Variants in SYCE1L observed in about 807,000 individuals in gnomAD.
The protein encoded by SYCE1L is synaptonemal complex central element protein 1-like.
A neutral mutation model predicts 39.6 loss-of-function variants in SYCE1L; 51 were observed. The observed-to-expected ratio is 1.29, with a 90% confidence interval of 1.03 to 1.63. The LOEUF (loss-of-function observed/expected upper bound fraction) is 1.63. Ranked by LOEUF, SYCE1L falls within the 40% of genes most tolerant of loss-of-function variation. The pLI is 0.00. For synonymous variants in SYCE1L, 147 were observed against 122.4 expected, an observed-to-expected ratio of 1.20 and a Z score of -1.33; for missense variants, 426 against 304.9, an observed-to-expected ratio of 1.40 and a Z score of -2.96.
chr16:77,207,463 T>G (rs1364343955), intron 2 of SYCE1L, among the ~76,000 whole-genome samples: 1 of 152,196 alleles, frequency 6.6e-6, no homozygotes, highest in African/African-American at 2.4e-5. Context: ...GTGATCACCC[T>G]GTCACTGGGA....
chr16:77,201,946 G>C (rs2054747896), intron 1 of SYCE1L: 1 of 152,144 alleles, frequency 6.6e-6, no homozygotes, highest in African/African-American at 2.4e-5. Context: ...TGTGTATGTT[G>C]CACAGAAAAA....
At chr16:77,204,742 T>C (rs2054773261) in intron 1 of SYCE1L, among the ~76,000 whole-genome samples, 1 of 152,126 alleles carries the variant, frequency 6.6e-6, no homozygotes, top group Non-Finnish European at 1.5e-5. Flanking sequence ...TGCTACCACT[T>C]ACATAGAAAA....
intron 5 of SYCE1L, 86 bp from the exon 6 acceptor site, chr16:77,209,331 C>T: frequency 6.9e-7 from 1 of 1,448,674 alleles, no homozygotes; most frequent in African/African-American, 1.4e-5. Flanking sequence ...CCCTCCAATG[C>T]CTGACATGAT....
chr16:77,199,646 A>G (rs1169698860), intron 1 of SYCE1L, 134 bp downstream of exon 1: 10 of 764,630 alleles, frequency 1.3e-5, no homozygotes, highest in Non-Finnish European at 1.9e-5. Context: ...TTGTTATTGA[A>G]GAAAAACAAT....
intron 7 of SYCE1L, among the ~76,000 whole-genome samples, chr16:77,211,802 G>A (rs2054824457): frequency 6.6e-6 from 1 of 152,130 alleles, no homozygotes; most frequent in African/African-American, 2.4e-5. Flanking sequence ...AGGAAGTGAG[G>A]GAAGAAGCCG....
In SYCE1L at chr16:77,213,183, C is replaced by T. The variant is rs946352995; in HGVS notation, c.*252C>T. 2.6e-6 allele frequency: 1 copy of T among 384,756 alleles called. No homozygotes were observed. The highest frequency in any genetic ancestry group is 4.6e-6 in the Non-Finnish European group (1 of 217,376). 23.8% of individuals were successfully genotyped at this position (384,756 alleles called of 1,614,324 possible). On this transcript the variant is annotated 3_prime_UTR_variant, in exon 11 of 11. Coordinates refer to ENST00000378644, the MANE Select transcript of SYCE1L (RefSeq NM_001129979.3). ...GTGGGTGTCAGTATCCCCCGCCCCA[C>T]GGCCTCATCTCGAGTTCCCAAACCA... is the stretch of plus-strand genomic sequence containing the variant.
At chr16:77,205,056 A>AAAAAAAGAAAAG (rs1471925292) in intron 1 of SYCE1L, among the ~76,000 whole-genome samples, 12,592 of 139,744 alleles carry the variant, frequency 0.09, 744 homozygotes, top group Middle Eastern at 0.19. Flanking sequence ...AAAAAAAAAA[A>AAAAAAAGAAAAG]AAAAGAAAAG....
chr16:77,210,608 C>T (rs1230583127), intron 6 of SYCE1L, among the ~76,000 whole-genome samples: 1 of 152,084 alleles, frequency 6.6e-6, no homozygotes, highest in Admixed American at 6.5e-5. Context: ...GTAACTTGGC[C>T]AGGGTCTCGG....
chr16:77,211,841 T>G (rs1446879384), intron 7 of SYCE1L, among the ~76,000 whole-genome samples: 1 of 151,796 alleles, frequency 6.6e-6, no homozygotes, highest in Non-Finnish European at 1.5e-5. Flanking sequence ...AGGAAGGCCC[T>G]GGGGCTGGAC....
intron 1 of SYCE1L, chr16:77,200,798 A>G (rs1441060226): frequency 6.6e-6 from 1 of 151,970 alleles, no homozygotes; most frequent in Non-Finnish European, 1.5e-5. Context: ...CTCCCAAGGC[A>G]GTCATGCATT....
At chr16:77,209,296 AG>A (rs964065696) in intron 5 of SYCE1L, 120 bp from the exon 6 acceptor site, 1 of 1,335,192 alleles carries the variant, frequency 7.5e-7, no homozygotes, top group African/African-American at 1.5e-5. Context: ...CATCACTTGG[AG>A]TAAACACCCA....
chr16:77,203,960 C>G (rs1033655627), intron 1 of SYCE1L, among the ~76,000 whole-genome samples: 11 of 152,010 alleles, frequency 7.2e-5, no homozygotes, highest in Non-Finnish European at 1.5e-4. Context: ...TAATTATGTC[C>G]TTAAGACACA....
intron 1 of SYCE1L, among the ~76,000 whole-genome samples, chr16:77,205,056 A>AAGAAAAG (rs1555502752): frequency 3.6e-5 from 5 of 140,752 alleles, no homozygotes; most frequent in Non-Finnish European, 6.1e-5. Flanking sequence ...AAAAAAAAAA[A>AAGAAAAG]AAAAGAAAAG....
intron 1 of SYCE1L, chr16:77,200,200 A>C (rs1417028218): frequency 6.8e-6 from 1 of 146,052 alleles, no homozygotes; most frequent in South Asian, 2.2e-4. Flanking sequence ...ATATGTGTGT[A>C]TGTGTATTTA....
intron 1 of SYCE1L, among the ~76,000 whole-genome samples, chr16:77,205,110 T>A (rs1377813693): frequency 6.6e-6 from 1 of 151,398 alleles, no homozygotes; most frequent in Non-Finnish European, 1.5e-5. Flanking sequence ...CATTGAATTA[T>A]CTCCAGGTAC....
At chr16:77,207,363 A>C (rs2076563617) in intron 2 of SYCE1L, among the ~76,000 whole-genome samples, 1 of 152,164 alleles carries the variant, frequency 6.6e-6, no homozygotes, top group Non-Finnish European at 1.5e-5. Context: ...GGCAACCTTG[A>C]AGCCAGAGAG....
rs1463211538 is a variant in SYCE1L at position 77,208,232 on chromosome 16, A to G, written c.144A>G (p.Ile48Met). ...CAGAGGGAAGCCTGGAGCCACAGAT[A>G]GAGGACCTGATTAGCCGGATTAATG... is the stretch of plus-strand genomic sequence containing the variant. The part of the protein sequence containing the change: ...LQKEGSLEPQ[I>M]EDLISRINDL... Residue 48 changes from isoleucine to methionine, a missense_variant, in exon 3 of 11, where the codon ATA becomes ATG. Physicochemically the swap from Ile to Met is conservative, Grantham distance 10. Coordinates refer to ENST00000378644, the MANE Select transcript of SYCE1L (RefSeq NM_001129979.3). The G allele has an allele frequency of 6.4e-7, 1 of 1,551,574 alleles. No homozygotes were observed. Among genetic ancestry groups the G allele is most frequent in the Non-Finnish European group, 8.7e-7 (1 of 1,147,014 alleles).
chr16:77,200,291 T>TATGTATATGTGTATATATATATACAC, intron 1 of SYCE1L: 1 of 111,430 alleles, frequency 9.0e-6, no homozygotes, highest in Non-Finnish European at 1.9e-5. Context: ...TATATATATA[T>TATGTATATGTGTATATATATATACAC]ACACACACTA....
chr16:77,211,923 G>A (rs535298040), intron 7 of SYCE1L, among the ~76,000 whole-genome samples: 3 of 152,278 alleles, frequency 2.0e-5, no homozygotes, highest in African/African-American at 7.2e-5. Context: ...GTTCAAGTTT[G>A]AGAGGTGCCT....
Sources: gnomAD v4.1 joint callset for allele counts (sites outside exome capture counted in the v4.1 genomes callset) on GRCh38, gnomAD v4.1.1 for gene constraint, MANE v1.5 for transcripts, NCBI Gene and HGNC (gene_info 2026-07-23, HGNC 2026-07-21) for gene names.